The following DHODH variants were observed in gnomAD, a reference collection of about 807,000 sequenced individuals.
The protein encoded by DHODH is dihydroorotate dehydrogenase (quinone), mitochondrial.
DHODH carries 30 observed loss-of-function variants against 39.7 expected under a neutral mutation model. That is an observed-to-expected ratio of 0.76 (90% confidence interval 0.57 to 1.02). DHODH has a LOEUF of 1.02. Among genes scored for constraint, DHODH ranks in the 50% least tolerant of loss-of-function variants. The pLI, the probability that DHODH is intolerant of heterozygous loss-of-function variation, is 0.00. For missense variants in DHODH, 531 were observed against 520.8 expected (o/e 1.02, Z -0.19); for synonymous variants, 222 against 213.8 (o/e 1.04, Z -0.34).
intron 3 of DHODH, 56 bp downstream of exon 3, chr16:72,014,728 C>T (rs1436997389): frequency 2.6e-6 from 4 of 1,554,480 alleles, no homozygotes; most frequent in Non-Finnish European, 3.5e-6. Context: ...TGGGGGCGTT[C>T]AGAGATATAA....
intron 2 of DHODH, among the ~76,000 whole-genome samples, chr16:72,013,106 T>C (rs776897194): frequency 4.6e-5 from 7 of 151,966 alleles, no homozygotes; most frequent in Non-Finnish European, 1.0e-4. Context: ...GTGGGAAGGG[T>C]CACTGTTATA....
In DHODH at chr16:72,026,262, A is replaced by G. The variant is rs142689333; in HGVS notation, c.*2063A>G. 2 of 152,306 alleles carry G rather than the reference A, an allele frequency of 1.3e-5. No homozygotes were observed. Among genetic ancestry groups the G allele is most frequent in the African/African-American group, 4.8e-5 (2 of 41,448 alleles). 9.4% of individuals were successfully genotyped at this position (152,306 alleles called of 1,614,324 possible). ...ATCTGCCCTCCCTTTCCCATGCTAC[A>G]GGCATCTACCTTGCTCTGTCCCACC... On this transcript the variant is annotated 3_prime_UTR_variant, in exon 9 of 9. Transcript: ENST00000219240.
At chr16:72,017,396 A>G (rs914708157) in intron 4 of DHODH, among the ~76,000 whole-genome samples, 1 of 152,192 alleles carries the variant, frequency 6.6e-6, no homozygotes, top group Admixed American at 6.5e-5. Context: ...GGCAATGATC[A>G]CACAGGCAAT....
In DHODH at chr16:72,012,080, G is replaced by T. The variant is rs773187468; in HGVS notation, c.52G>T (p.Gly18Trp). 89 of 1,614,030 alleles carry T rather than the reference G, an allele frequency of 5.5e-5. No individual in the cohort carries two copies. Among genetic ancestry groups the T allele is most frequent in the Non-Finnish European group, 7.2e-5 (85 of 1,180,014 alleles). The stretch of plus-strand genomic sequence containing the variant: ...GGCCCAGGATGCTGTGATCATCCTG[G>T]GGGGAGGAGGACTTCTCTTCGCCTC... ...KRAQDAVIIL[G>W]GGGLLFASYL... Residue 18 changes from glycine (G) to tryptophan (W), a missense_variant, in exon 2 of 9, where the codon GGG becomes TGG. Transcript: ENST00000219240.
rs8061292 is a variant in DHODH at position 72,012,578 on chromosome 16, C to T, written c.234+316C>T. On this transcript the variant is annotated intron_variant, in intron 2 of 8. Coordinates refer to ENST00000219240, the MANE Select transcript of DHODH (RefSeq NM_001361.5). Reference sequence around the variant, plus strand: ...GCAACATAAAGGAACTCAAGTCACACAGCTAGGAGGTAGCAGGACCAGGAT... The same window carrying T: ...GCAACATAAAGGAACTCAAGTCACATAGCTAGGAGGTAGCAGGACCAGGAT... Among the ~76,000 whole-genome samples the T allele has an allele frequency of 9.2e-5, 14 of 152,320 alleles. 1 individual carries two copies. Among genetic ancestry groups the T allele is most frequent in the Middle Eastern group, 3.4e-3 (1 of 294 alleles).
intron 4 of DHODH, among the ~76,000 whole-genome samples, chr16:72,017,760 A>C (rs1380448397): frequency 8.4e-6 from 1 of 118,816 alleles, no homozygotes; most frequent in Non-Finnish European, 1.8e-5. Flanking sequence ...AAAAAACCAA[A>C]AACAACATGC....
intron 4 of DHODH, chr16:72,020,530 A>G (rs1386801452): frequency 2.6e-5 from 4 of 152,596 alleles, no homozygotes; most frequent in African/African-American, 7.3e-5. Flanking sequence ...TGAGTTTTCA[A>G]TTATAGAGAT....
intron 1 of DHODH, among the ~76,000 whole-genome samples, chr16:72,010,411 C>G (rs2041069793): frequency 6.6e-6 from 1 of 152,204 alleles, no homozygotes; most frequent in South Asian, 2.1e-4. Context: ...TTCCTTACCT[C>G]TAAGATTAGG....
In DHODH at chr16:72,027,526, C is replaced by T. The variant is rs2041286450; in HGVS notation, c.*3327C>T. On this transcript the variant is annotated 3_prime_UTR_variant, in exon 9 of 9. Transcript: ENST00000219240. ...CCTGGGAGACTGATGATGACCGCGTCTCCCTCTGGGACCAAGGATGGTGGA... is the reference window on the plus strand; with the variant it reads ...CCTGGGAGACTGATGATGACCGCGTTTCCCTCTGGGACCAAGGATGGTGGA... The T allele has an allele frequency of 6.6e-6, 1 of 152,212 alleles. No individual in the cohort carries two copies. The highest frequency in any genetic ancestry group is 6.5e-5 in the Admixed American group (1 of 15,282). The allele number at this position is 152,212 out of a possible 1,614,324, so 9.4% of individuals were successfully genotyped here. A position where few individuals can be genotyped will look rare whatever the true frequency, so the allele number is the denominator to read the frequency against.
chr16:72,011,937 C>T lies in DHODH; in HGVS notation c.22-113C>T, dbSNP rs886509809. ...ACCAGTGTCAGCGGAAGGCTAAGGG[C>T]GTCTGTTTCATGTGACCTGCCGTTA... On this transcript the variant is annotated intron_variant, in intron 1 of 8. Coordinates refer to ENST00000219240, the MANE Select transcript of DHODH (RefSeq NM_001361.5). 52 of 781,398 alleles carry T rather than the reference C, an allele frequency of 6.7e-5. 1 individual carries two copies. The highest frequency in any genetic ancestry group is 2.4e-4 in the Admixed American group (12 of 49,702). 48.4% of individuals were successfully genotyped at this position (781,398 alleles called of 1,614,324 possible).
rs527363345 is a variant in DHODH, at chr16:72,018,028, C to T, written c.517+922C>T. 2.6e-5 allele frequency among the ~76,000 whole-genome samples: 4 copies of T among 152,314 alleles called. No homozygotes were observed. In the South Asian group the frequency reaches 8.3e-4, roughly 32 times the overall value. ...TGACCTGGTGATCCGCCTGCCTCGG[C>T]CTCCCAAAGTGCTGGGATTACAGGC... On this transcript the variant is annotated intron_variant, in intron 4 of 8. Coordinates refer to ENST00000219240, the MANE Select transcript of DHODH (RefSeq NM_001361.5).
intron 5 of DHODH, among the ~76,000 whole-genome samples, chr16:72,021,881 G>C (rs969658896): frequency 2.0e-5 from 3 of 152,066 alleles, no homozygotes; most frequent in African/African-American, 7.2e-5. Flanking sequence ...CAGATCACTT[G>C]AGCTCAGGAG....
chr16:72,015,834 C>T (rs947902498), intron 3 of DHODH: 8 of 985,250 alleles, frequency 8.1e-6, no homozygotes, highest in Admixed American at 6.2e-5. Flanking sequence ...CCTGTGTGTG[C>T]GGCCTCCTGG....
chr16:72,016,941 CTT>C (rs1318921917), intron 3 of DHODH, 81 bp from the exon 4 acceptor site: 20 of 1,286,594 alleles, frequency 1.6e-5, no homozygotes, highest in East Asian at 2.4e-5. Context: ...TTTTTTTTCT[CTT>C]GTTTGAAAAA....
intron 3 of DHODH, among the ~76,000 whole-genome samples, chr16:72,015,213 T>C (rs1173997425): frequency 6.6e-6 from 1 of 152,266 alleles, no homozygotes; most frequent in South Asian, 2.1e-4. Flanking sequence ...GTTTTTACCT[T>C]CTTTTGCCTG....
At position 72,017,122 on chromosome 16, in the gene DHODH, G is replaced by A. The variant is rs1330077317; in HGVS notation, c.517+16G>A. The A allele has an allele frequency of 6.2e-7, 1 of 1,612,506 alleles. No homozygotes were observed. The highest frequency in any genetic ancestry group is 2.2e-5 in the East Asian group (1 of 44,870). On this transcript the variant is annotated intron_variant, in intron 4 of 8. Transcript: ENST00000219240. ...CTCACAGAAGGTAAAGTGGGGTTGT[G>A]TCAGTGGGCCTTTCTTATTTATTAG...
Position 72,014,488 on chromosome 16 carries a change from G to T in DHODH, c.250G>T (p.Gly84Cys). Residue 84 changes from glycine (G) to cysteine (C), a missense_variant, in exon 3 of 9, where the codon GGC becomes TGC. Transcript: ENST00000219240. ...DSDMLEVRVLGHKFRNPVGIA... is the reference protein window; with the variant it reads ...DSDMLEVRVLCHKFRNPVGIA... The stretch of plus-strand genomic sequence containing the variant: ...CTCTTCCCAGGAAGTGAGAGTTCTG[G>T]GCCATAAATTCCGAAATCCAGTAGG... 6.2e-7 allele frequency: 1 copy of T among 1,613,194 alleles called. No homozygotes were observed.
chr16:72,010,845 C>A (rs1395220320), intron 1 of DHODH, among the ~76,000 whole-genome samples: 1 of 152,212 alleles, frequency 6.6e-6, no homozygotes, highest in Non-Finnish European at 1.5e-5. Flanking sequence ...CCACCCACTT[C>A]TGCCTCCCAA....
Position 72,012,268 on chromosome 16 carries a change from G to C in DHODH, c.234+6G>C, listed in dbSNP as rs763244296. On this transcript the variant is annotated splice_donor_region_variant and intron_variant, in intron 2 of 8. Coordinates refer to ENST00000219240, the MANE Select transcript of DHODH (RefSeq NM_001361.5). ...TTCAAGACTCTGACATGCTGGTAGT[G>C]CTCCCAGACACCCTATACATTAAAT... The C allele has an allele frequency of 1.2e-6, 2 of 1,613,266 alleles. No individual in the cohort carries two copies. The highest frequency in any genetic ancestry group is 1.7e-5 in the Admixed American group (1 of 60,018).
Sources: allele counts gnomAD v4.1 joint callset (sites outside exome capture counted in the v4.1 genomes callset), GRCh38; gene constraint gnomAD v4.1.1; transcripts MANE v1.5; gene names NCBI Gene and HGNC (gene_info 2026-07-23, HGNC 2026-07-21).